Variants in UBE3C observed in about 807,000 individuals in gnomAD.
UBE3C encodes the protein ubiquitin protein ligase E3C, also known as ubiquitin-protein ligase E3C.
Under a neutral mutation model 129.4 loss-of-function variants are expected in UBE3C, and 42 were observed. The ratio of observed to expected loss-of-function variants is 0.32; its 90% confidence interval spans 0.25 to 0.42. The LOEUF is 0.42. Ranked by LOEUF, UBE3C falls within the 10% of genes least tolerant of loss-of-function variation. The pLI, the probability that UBE3C is intolerant of heterozygous loss-of-function variation, is 1.00. For missense variants in UBE3C, 1,049 were observed against 1,319.1 expected (o/e 0.80, Z 3.17); for synonymous variants, 510 against 492.4 (o/e 1.04, Z -0.47).
In UBE3C at chr7:157,175,005, G is replaced by C; in HGVS notation, c.429G>C (p.Gln143His). Residue 143 changes from glutamine (Q) to histidine (H), a missense_variant, in exon 5 of 23, where the codon CAG becomes CAC. Gln to His is a conservative substitution (Grantham distance 24, BLOSUM62 0). Transcript: ENST00000348165. Reference protein sequence around the residue: ...DGSERLTCLFQIKRLMSLCCR... With the variant: ...DGSERLTCLFHIKRLMSLCCR... ...CTGAGAGACTTACATGCTTATTTCA[G>C]ATAAAAAGATTGATGAGCCTCTGTT... 6.2e-7 allele frequency: 1 copy of C among 1,611,776 alleles called. No homozygotes were observed. The highest frequency in any genetic ancestry group is 1.3e-5 in the African/African-American group (1 of 74,962).
At chr7:157,158,627 C>T (rs1313356486) in intron 1 of UBE3C, among the ~76,000 whole-genome samples, 2 of 152,188 alleles carry the variant, frequency 1.3e-5, no homozygotes, top group African/African-American at 2.4e-5. Context: ...GGGACAAATA[C>T]ATTGAGCAGC....
intron 1 of UBE3C, among the ~76,000 whole-genome samples, chr7:157,163,244 G>A (rs1445191568): frequency 6.6e-6 from 1 of 151,920 alleles, no homozygotes; most frequent in African/African-American, 2.4e-5. Context: ...AAAATTAGCC[G>A]GGCGTGGTGG....
intron 1 of UBE3C, among the ~76,000 whole-genome samples, chr7:157,157,981 T>G (rs1000192073): frequency 6.9e-6 from 1 of 144,768 alleles, no homozygotes; most frequent in Non-Finnish European, 1.5e-5. Context: ...TAGATATATA[T>G]ATATATAGAG....
At chr7:157,216,196 TA>T (rs1212817555) in intron 13 of UBE3C, among the ~76,000 whole-genome samples, 3 of 152,188 alleles carry the variant, frequency 2.0e-5, no homozygotes, top group Admixed American at 1.3e-4. Context: ...GTGACAGTGA[TA>T]TCTGGGGTGC....
chr7:157,239,213 G>A (rs192674714), intron 18 of UBE3C, among the ~76,000 whole-genome samples: 86 of 152,236 alleles, frequency 5.6e-4, no homozygotes, highest in Non-Finnish European at 1.0e-3. Context: ...AATGTCCTTC[G>A]AAAGCATAAT....
At chr7:157,141,897 C>T (rs1807463022) in intron 1 of UBE3C, among the ~76,000 whole-genome samples, 1 of 152,180 alleles carries the variant, frequency 6.6e-6, no homozygotes, top group African/African-American at 2.4e-5. Flanking sequence ...TTCTTACAGA[C>T]CTTTGCTGTG....
rs150716906 is a variant in UBE3C at position 157,264,681 on chromosome 7, G to T, written c.3082-2904G>T. Among the ~76,000 whole-genome samples the T allele has an allele frequency of 6.8e-3, 1,030 of 152,232 alleles. 13 individuals carry two copies. Among genetic ancestry groups the T allele is most frequent in the African/African-American group, 0.024 (976 of 41,526 alleles). On this transcript the variant is annotated intron_variant, in intron 22 of 22. Transcript: ENST00000348165. Reference sequence around the variant, plus strand: ...CTGCAGCCTGCAACCTCTGCCTCCTGCCTCAGCCTCCCGAGTAATTGGAAT... The same window carrying T: ...CTGCAGCCTGCAACCTCTGCCTCCTTCCTCAGCCTCCCGAGTAATTGGAAT...
In UBE3C at chr7:157,178,730, C is replaced by G; in HGVS notation, c.499C>G (p.Leu167Val). Residue 167 changes from leucine (L) to valine (V), a missense_variant, in exon 6 of 23, where the codon CTT becomes GTT. Transcript: ENST00000348165. ...NCNDDSLNVA[L>V]PMRMLEVFSS... Reference sequence around the variant, plus strand: ...TAATGATGACAGTTTGAATGTTGCACTTCCAATGAGAATGCTTGAAGTATT... The same window carrying G: ...TAATGATGACAGTTTGAATGTTGCAGTTCCAATGAGAATGCTTGAAGTATT... 2 of 1,614,180 alleles carry G rather than the reference C, an allele frequency of 1.2e-6. No homozygotes were observed. The highest frequency in any genetic ancestry group is 1.7e-6 in the Non-Finnish European group (2 of 1,180,020).
intron 1 of UBE3C, among the ~76,000 whole-genome samples, chr7:157,151,424 G>C (rs1807754624): frequency 6.6e-6 from 1 of 152,154 alleles, no homozygotes; most frequent in Admixed American, 6.5e-5. Context: ...TAGCTCTTTG[G>C]AAATGTAACA....
chr7:157,239,511 C>T (rs1182870923), intron 18 of UBE3C, among the ~76,000 whole-genome samples: 3 of 152,104 alleles, frequency 2.0e-5, no homozygotes, highest in Non-Finnish European at 4.4e-5. Flanking sequence ...AGTGCTTTTC[C>T]ATAAGTGTGT....
chr7:157,237,302 G>A (rs1003486068), intron 18 of UBE3C, among the ~76,000 whole-genome samples: 2 of 152,092 alleles, frequency 1.3e-5, no homozygotes, highest in Non-Finnish European at 2.9e-5. Flanking sequence ...TTAGCCGGGC[G>A]TGGTGGCGGG....
At position 157,222,186 on chromosome 7, in the gene UBE3C, T is replaced by C. The variant is rs553470247; in HGVS notation, c.2003-1068T>C. ...GCACACTGCCTGTGAACATGTTTTT[T>C]AGTTATTGAATTTTGAGAGTTATAA... On this transcript the variant is annotated intron_variant, in intron 15 of 22. Coordinates refer to ENST00000348165, the MANE Select transcript of UBE3C (RefSeq NM_014671.3). 14 of 152,282 alleles carry C rather than the reference T, an allele frequency of 9.2e-5. No individual in the cohort carries two copies. The East Asian group carries it at 2.7e-3, about 29-fold the overall frequency. 9.4% of individuals were successfully genotyped at this position (152,282 alleles called of 1,614,324 possible).
intron 18 of UBE3C, among the ~76,000 whole-genome samples, chr7:157,241,884 T>C (rs1195657215): frequency 6.6e-6 from 1 of 152,212 alleles, no homozygotes; most frequent in African/African-American, 2.4e-5. Context: ...TTGAGAATGT[T>C]CTGCCCGGTG....
rs1222469819 is a variant in UBE3C at position 157,248,450 on chromosome 7, A to G, written c.2564A>G (p.Asp855Gly). ...SKLLGTSADV[D>G]IHHLASLDPE... ...TTGCTTGGAACCAGTGCCGACGTGG[A>G]CATTCACCACCTCGCCTCCCTAGAC... Residue 855 changes from aspartate to glycine, a missense_variant, in exon 19 of 23, where the codon GAC becomes GGC. Physicochemically the swap from Asp to Gly is moderately conservative, Grantham distance 94 (BLOSUM62 -1). Around this residue, in one of 4 missense-constraint regions of UBE3C, gnomAD observed 243 missense variants for 368.7 expected, o/e 0.66. Coordinates refer to ENST00000348165, the MANE Select transcript of UBE3C (RefSeq NM_014671.3). 1 of 1,613,614 alleles carries G rather than the reference A, an allele frequency of 6.2e-7. No individual in the cohort carries two copies. The highest frequency in any genetic ancestry group is 8.5e-7 in the Non-Finnish European group (1 of 1,180,022).
At chr7:157,139,732 C>T (rs1807377580) in intron 1 of UBE3C, among the ~76,000 whole-genome samples, 1 of 152,238 alleles carries the variant, frequency 6.6e-6, no homozygotes, top group Non-Finnish European at 1.5e-5. Flanking sequence ...GGTGAACTTA[C>T]CCTTTCTGGG....
chr7:157,225,956 A>C (rs1795868066), intron 17 of UBE3C, among the ~76,000 whole-genome samples: 1 of 152,210 alleles, frequency 6.6e-6, no homozygotes, highest in Non-Finnish European at 1.5e-5. Flanking sequence ...TCTCCAAAAA[A>C]AAGTGTAGCA....
intron 2 of UBE3C, among the ~76,000 whole-genome samples, chr7:157,168,271 A>G (rs955802949): frequency 2.6e-5 from 4 of 151,220 alleles, no homozygotes; most frequent in Admixed American, 2.0e-4. Context: ...GAATGGTGTG[A>G]ACCCAGGAGG....
Position 157,150,252 on chromosome 7 carries a change from G to A in UBE3C, c.66+10914G>A, listed in dbSNP as rs1415150189. ...AAATTAGCTGAGTGTGGTGGCACCC[G>A]CCTGTAATCCCAGCTACTTGGGAGG... On this transcript the variant is annotated intron_variant, in intron 1 of 22. Transcript: ENST00000348165. Among the ~76,000 whole-genome samples, 3 of 152,078 alleles carry A rather than the reference G, an allele frequency of 2.0e-5. No homozygotes were observed. The East Asian group carries it at 5.8e-4, about 29-fold the overall frequency.
At chr7:157,156,077 T>G (rs1807894476) in intron 1 of UBE3C, among the ~76,000 whole-genome samples, 1 of 152,234 alleles carries the variant, frequency 6.6e-6, no homozygotes, top group African/African-American at 2.4e-5. Context: ...TCAAACTGCT[T>G]TCTCCTGGTA....
Sources: gnomAD v4.1 joint callset for allele counts (sites outside exome capture counted in the v4.1 genomes callset) on GRCh38, gnomAD v4.1.1 for gene constraint, gnomAD v4.1.1 regional missense constraint, MANE v1.5 for transcripts, NCBI Gene and HGNC (gene_info 2026-07-23, HGNC 2026-07-21) for gene names.